Variants in ANKRD28 observed in about 807,000 individuals in gnomAD.
ANKRD28 encodes ankyrin repeat domain 28.
ANKRD28 carries 44 observed loss-of-function variants against 126.5 expected under a neutral mutation model. That is an observed-to-expected ratio of 0.35 (90% CI 0.27 to 0.45). The LOEUF is 0.45. Among genes scored for constraint, ANKRD28 ranks in the 20% least tolerant of loss-of-function variants. ANKRD28 has a pLI of 1.00. For synonymous variants in ANKRD28, 442 were observed against 468.5 expected (o/e 0.94, Z 0.73); for missense variants, 1,110 against 1,316.6 (o/e 0.84, Z 2.43).
intron 6 of ANKRD28, 37 bp downstream of exon 6, chr3:15,735,361 AACTTTTCTAAAT>A: frequency 1.4e-6 from 2 of 1,410,314 alleles, no homozygotes; most frequent in African/African-American, 2.9e-5. Flanking sequence ...TGAAATGTAC[AACTTTTCTAAAT>A]ATATAATATC....
In ANKRD28 at chr3:15,816,279, T is replaced by C. The variant is rs550185453; in HGVS notation, c.28-20973A>G. On this transcript the variant is annotated intron_variant, in intron 1 of 27. Coordinates refer to the ANKRD28 transcript ENST00000399451. This position sits in a 1 kb window ranked among gnomAD's most constrained non-coding sequence, Gnocchi z 5.0. ...GCCTAGCCTCCTACCTCCACAAATATTTACTCAATAATTGTTTGTTAATAA... is the reference window on the plus strand; with the variant it reads ...GCCTAGCCTCCTACCTCCACAAATACTTACTCAATAATTGTTTGTTAATAA... Among the ~76,000 whole-genome samples the C allele has an allele frequency of 6.6e-6, 1 of 152,314 alleles. No individual in the cohort carries two copies. Among genetic ancestry groups the C allele is most frequent in the East Asian group, 1.9e-4 (1 of 5,192 alleles).
At chr3:15,676,011 A>T (rs114586253) in intron 26 of ANKRD28, 22 bp from the exon 27 acceptor site, 1 of 1,588,476 alleles carries the variant, frequency 6.3e-7, no homozygotes. Flanking sequence ...AACATGATAC[A>T]TGTACACATA....
At chr3:15,793,903 C>T (rs1425374064) in intron 2 of ANKRD28, among the ~76,000 whole-genome samples, 1 of 152,130 alleles carries the variant, frequency 6.6e-6, no homozygotes, top group Non-Finnish European at 1.5e-5. Context: ...AACCCTGTCT[C>T]TACTAAAAAC....
At chr3:15,692,542 A>G (rs1229851750) in intron 17 of ANKRD28, among the ~76,000 whole-genome samples, 1 of 152,240 alleles carries the variant, frequency 6.6e-6, no homozygotes, top group Non-Finnish European at 1.5e-5. Context: ...TCCCCCCATG[A>G]TATCCTTGTA....
At chr3:15,720,106 C>T (rs746134309) in intron 8 of ANKRD28, among the ~76,000 whole-genome samples, 14 of 152,208 alleles carry the variant, frequency 9.2e-5, no homozygotes, top group African/African-American at 3.4e-4. Flanking sequence ...TCAAGTGATC[C>T]TCCTACCCTG....
chr3:15,766,084 G>T (rs1331274433), intron 3 of ANKRD28, 150 bp downstream of exon 3: 2 of 599,808 alleles, frequency 3.3e-6, no homozygotes, highest in Non-Finnish European at 5.8e-6. Context: ...TATGTGATCA[G>T]TATTTATGGA....
intron 27 of ANKRD28, among the ~76,000 whole-genome samples, chr3:15,674,322 G>A (rs553957235): frequency 1.1e-3 from 163 of 152,124 alleles, no homozygotes; most frequent in Admixed American, 2.2e-3. Flanking sequence ...GGAGTCAATA[G>A]TATATGCTGA....
At chr3:15,709,331 T>C (rs1042052549) in intron 13 of ANKRD28, among the ~76,000 whole-genome samples, 12 of 152,160 alleles carry the variant, frequency 7.9e-5, no homozygotes, top group African/African-American at 2.9e-4. Flanking sequence ...ATCATTATTT[T>C]CTAGGTATTG....
At chr3:15,776,912 G>A (rs187284955) in intron 2 of ANKRD28, among the ~76,000 whole-genome samples, 10 of 152,232 alleles carry the variant, frequency 6.6e-5, no homozygotes. Context: ...GATATTTCCA[G>A]CCTAAGAACA....
chr3:15,788,549 ATGTC>A (rs2125757697), intron 2 of ANKRD28, among the ~76,000 whole-genome samples: 1 of 152,240 alleles, frequency 6.6e-6, no homozygotes, highest in East Asian at 1.9e-4. Flanking sequence ...GCTTATGCCT[ATGTC>A]TGTCTCAAAA....
rs146879401 is a variant in ANKRD28 at position 15,790,263 on chromosome 3, T to C, written c.201+4960A>G. ...ATCCTACTCAAAATATTCTAAAAAA[T>C]AGAGGAGGGAATACTTCCAAATTCA... On this transcript the variant is annotated intron_variant, in intron 2 of 27. Coordinates refer to ENST00000683139, the MANE Select transcript of ANKRD28 (RefSeq NM_001349278.2). Among the ~76,000 whole-genome samples, 609 of 151,894 alleles carry C rather than the reference T, an allele frequency of 4.0e-3. 2 individuals carry two copies. Among genetic ancestry groups the C allele is most frequent in the East Asian group, 0.023 (118 of 5,174 alleles).
intron 1 of ANKRD28, among the ~76,000 whole-genome samples, chr3:15,831,182 A>T (rs1010004946): frequency 1.5e-4 from 23 of 152,170 alleles, no homozygotes; most frequent in African/African-American, 5.6e-4. Flanking sequence ...TAAGCAAATT[A>T]TCAAATCTGA....
intron 1 of ANKRD28, among the ~76,000 whole-genome samples, chr3:15,804,372 A>T (rs1328736586): frequency 2.1e-5 from 3 of 145,600 alleles, no homozygotes; most frequent in African/African-American, 7.7e-5. Flanking sequence ...CTCTAAAAAA[A>T]TGGATATTTT....
intron 1 of ANKRD28, among the ~76,000 whole-genome samples, chr3:15,805,642 A>G (rs113765007): frequency 9.8e-5 from 15 of 152,302 alleles, no homozygotes; most frequent in African/African-American, 3.6e-4. Context: ...AACAGGCTGA[A>G]TTTTGCCCTT....
At chr3:15,769,166 T>C (rs188676942) in intron 2 of ANKRD28, among the ~76,000 whole-genome samples, 3 of 152,260 alleles carry the variant, frequency 2.0e-5, no homozygotes, top group East Asian at 3.9e-4. Flanking sequence ...GAGTCATCTG[T>C]GTGTGAGGGA....
intron 25 of ANKRD28, 102 bp downstream of exon 25, chr3:15,677,378 G>C (rs2067052397): frequency 2.5e-6 from 2 of 788,474 alleles, no homozygotes; most frequent in East Asian, 2.6e-5. Context: ...GTGATCATTA[G>C]AGAGGTTTGG....
chr3:15,743,762 A>G (rs1002964671), intron 4 of ANKRD28, among the ~76,000 whole-genome samples: 5 of 152,230 alleles, frequency 3.3e-5, no homozygotes, highest in Non-Finnish European at 7.3e-5. Flanking sequence ...GTGGTGTGGA[A>G]ACTATGTCAC....
intron 6 of ANKRD28, among the ~76,000 whole-genome samples, chr3:15,729,626 T>A (rs1384373184): frequency 6.6e-6 from 1 of 152,202 alleles, no homozygotes; most frequent in Non-Finnish European, 1.5e-5. Context: ...GATGTCATTT[T>A]AAAAATCCCT....
chr3:15,728,781 C>T (rs2074371115), intron 6 of ANKRD28, among the ~76,000 whole-genome samples: 1 of 152,110 alleles, frequency 6.6e-6, no homozygotes. Flanking sequence ...TTAGAACATG[C>T]AGCCAAAAAA....
Sources: gnomAD v4.1 joint callset for allele counts (sites outside exome capture counted in the v4.1 genomes callset) on GRCh38, gnomAD v4.1.1 for gene constraint, Gnocchi (gnomAD v3.1) non-coding constraint, MANE v1.5 for transcripts, NCBI Gene and HGNC (gene_info 2026-07-23, HGNC 2026-07-21) for gene names.